Variants in CACNB2 observed in about 807,000 individuals in gnomAD.
The protein encoded by CACNB2 is calcium voltage-gated channel auxiliary subunit beta 2, also known as voltage-dependent L-type calcium channel subunit beta-2.
In CACNB2, 42 loss-of-function variants were observed where a neutral mutation model predicts 73.3. The observed-to-expected ratio is 0.57, with a 90% CI of 0.45 to 0.74. The LOEUF (loss-of-function observed/expected upper bound fraction) is 0.74, where lower values mean the gene tolerates loss of function less well. CACNB2 is among the 30% of genes least tolerant of loss of function. CACNB2 has a pLI of 0.00. For synonymous variants in CACNB2, 348 were observed against 310.3 expected (o/e 1.12, Z -1.28); for missense variants, 940 against 853.0 (o/e 1.10, Z -1.27).
intron 2 of CACNB2, among the ~76,000 whole-genome samples, chr10:18,240,116 T>C (rs2036591680): frequency 6.6e-6 from 1 of 152,208 alleles, no homozygotes; most frequent in African/African-American, 2.4e-5. Context: ...ACTGGAATAA[T>C]AGAAATGGTT....
chr10:18,277,781 C>T (rs1193341605), intron 2 of CACNB2, among the ~76,000 whole-genome samples: 2 of 152,130 alleles, frequency 1.3e-5, no homozygotes, highest in Non-Finnish European at 2.9e-5. Flanking sequence ...AATCTTTTCC[C>T]TCAAGGAAAT....
intron 3 of CACNB2, among the ~76,000 whole-genome samples, chr10:18,439,492 C>G (rs572282553): frequency 6.6e-6 from 1 of 152,110 alleles, no homozygotes; most frequent in Admixed American, 6.5e-5. Flanking sequence ...ATGGCAAGGT[C>G]GCATATTTTG....
At chr10:18,223,638 A>G (rs1012213842) in intron 2 of CACNB2, among the ~76,000 whole-genome samples, 1 of 152,166 alleles carries the variant, frequency 6.6e-6, no homozygotes, top group African/African-American at 2.4e-5. Context: ...GAAATTTTTC[A>G]GTATAAACTA....
At chr10:18,371,867 G>T (rs1272118306) in intron 2 of CACNB2, among the ~76,000 whole-genome samples, 1 of 152,190 alleles carries the variant, frequency 6.6e-6, no homozygotes, top group East Asian at 1.9e-4. Flanking sequence ...AGCACTTGTT[G>T]TTTCCTGACT....
intron 2 of CACNB2, among the ~76,000 whole-genome samples, chr10:18,372,149 A>C (rs182668283): frequency 6.6e-6 from 1 of 152,082 alleles, no homozygotes; most frequent in African/African-American, 2.4e-5. Context: ...CCCATTCTGT[A>C]GGTTGCCTGT....
chr10:18,503,155 T>A (rs902209243), intron 5 of CACNB2, among the ~76,000 whole-genome samples: 5 of 152,126 alleles, frequency 3.3e-5, no homozygotes, highest in Non-Finnish European at 7.4e-5. Flanking sequence ...GAAAAAAAAG[T>A]AAAGACATGC....
chr10:18,175,651 G>A (rs1039391511), intron 2 of CACNB2, among the ~76,000 whole-genome samples: 3 of 152,150 alleles, frequency 2.0e-5, no homozygotes, highest in Admixed American at 6.5e-5. Flanking sequence ...AGGCTGGAGA[G>A]CAATGGTGCA....
chr10:18,304,231 T>G (rs2039640463), intron 2 of CACNB2, among the ~76,000 whole-genome samples: 1 of 152,172 alleles, frequency 6.6e-6, no homozygotes, highest in Non-Finnish European at 1.5e-5. Flanking sequence ...GCTAGGATTA[T>G]AGGTGTGAGC....
At chr10:18,425,527 CA>C (rs34804937) in intron 3 of CACNB2, among the ~76,000 whole-genome samples, 131,741 of 151,746 alleles carry the variant, frequency 0.87, 57,365 homozygotes, top group East Asian at 0.94. Flanking sequence ...ATTAGCTGGC[CA>C]ATGGTGACAG....
chr10:18,150,961 A>G lies in CACNB2; in HGVS notation c.199A>G (p.Ser67Gly), dbSNP rs750463101. Residue 67 changes from serine (S) to glycine (G), a missense_variant, in exon 2 of 14, where the codon AGT (serine) becomes GGT (glycine). By Grantham distance (56) the Ser-to-Gly change is moderately conservative. Coordinates refer to ENST00000324631, the MANE Select transcript of CACNB2 (RefSeq NM_201596.3). ...CACGTCATCTGATACTACCTCAAAT[A>G]GTTTTGTTCGCCAGGTAAGAGTTTT... ...GSTSSDTTSNSFVRQGSADSY... is the reference protein window; with the variant it reads ...GSTSSDTTSNGFVRQGSADSY... The G allele has an allele frequency of 1.2e-6, 2 of 1,600,860 alleles. No homozygotes were observed. The highest frequency in any genetic ancestry group is 1.4e-5 in the African/African-American group (1 of 72,930).
chr10:18,536,948 C>G (rs996646707), intron 12 of CACNB2, among the ~76,000 whole-genome samples: 3 of 152,194 alleles, frequency 2.0e-5, no homozygotes, highest in African/African-American at 7.2e-5. Flanking sequence ...CACTTGTCGT[C>G]TATGCTTTAC....
chr10:18,371,567 G>A (rs2042585135), intron 2 of CACNB2, among the ~76,000 whole-genome samples: 1 of 152,160 alleles, frequency 6.6e-6, no homozygotes, highest in African/African-American at 2.4e-5. Context: ...ATTCTATGGT[G>A]TATATGTGCC....
rs746197406 is a variant in CACNB2 at position 18,288,704 on chromosome 10, C to CACACACACACACAG, written c.214-113219_214-113218insCACACACACACAGA. 6.8e-3 allele frequency among the ~76,000 whole-genome samples: 1,023 copies of CACACACACACACAG among 151,342 alleles called. 3 individuals carry two copies. The highest frequency in any genetic ancestry group is 0.014 in the Middle Eastern group (4 of 294). On this transcript the variant is annotated intron_variant, in intron 2 of 13. Coordinates refer to ENST00000324631, the MANE Select transcript of CACNB2 (RefSeq NM_201596.3). ...ACACACACACACACACACACACACACAGAGATACCCAGTAGATGCAGAATC... is the reference window on the plus strand; with the variant it reads ...ACACACACACACACACACACACACACACACACACACACAGAGAGATACCCAGTAGATGCAGAATC...
chr10:18,214,113 G>A (rs1588716270), intron 2 of CACNB2, among the ~76,000 whole-genome samples: 1 of 152,316 alleles, frequency 6.6e-6, no homozygotes, highest in East Asian at 1.9e-4. Context: ...CAGGGGGGCA[G>A]TGTGTGGGAA....
intron 2 of CACNB2, among the ~76,000 whole-genome samples, chr10:18,220,230 T>G (rs201755495): frequency 0.098 from 3,337 of 33,948 alleles, 136 homozygotes; most frequent in African/African-American, 0.12. Context: ...TATATATATA[T>G]ATAGAGAGAG....
intron 3 of CACNB2, among the ~76,000 whole-genome samples, chr10:18,479,364 G>C (rs1344204635): frequency 6.6e-6 from 1 of 151,950 alleles, no homozygotes; most frequent in East Asian, 1.9e-4. Context: ...AATTACTGTA[G>C]GTATACCTGG....
intron 11 of CACNB2, among the ~76,000 whole-genome samples, chr10:18,535,646 G>T (rs1283864816): frequency 7.1e-6 from 1 of 140,624 alleles, no homozygotes. Context: ...GGTGGCGGGT[G>T]CCTGTAGTCC....
At chr10:18,470,273 G>C (rs1218295781) in intron 3 of CACNB2, among the ~76,000 whole-genome samples, 1 of 150,372 alleles carries the variant, frequency 6.7e-6, no homozygotes, top group Non-Finnish European at 1.5e-5. Context: ...GATCACCTGA[G>C]GTCTGGAGTT....
intron 2 of CACNB2, among the ~76,000 whole-genome samples, chr10:18,232,600 G>C (rs12261529): frequency 0.047 from 7,152 of 152,208 alleles, 593 homozygotes; most frequent in African/African-American, 0.16. Flanking sequence ...CCTTTAACTA[G>C]TGACCTTAGA....
Sources: gnomAD v4.1 joint callset for allele counts (sites outside exome capture counted in the v4.1 genomes callset) on GRCh38, gnomAD v4.1.1 for gene constraint, MANE v1.5 for transcripts, NCBI Gene and HGNC (gene_info 2026-07-23, HGNC 2026-07-21) for gene names.